The following GPLD1 variants were observed in gnomAD, a reference collection of about 807,000 sequenced individuals.
GPLD1 encodes glycosylphosphatidylinositol specific phospholipase D1, also known as phosphatidylinositol-glycan-specific phospholipase D.
Under a neutral mutation model 112.6 loss-of-function variants are expected in GPLD1, and 84 were observed. The observed-to-expected ratio is 0.75, with a 90% confidence interval of 0.63 to 0.89. GPLD1 has a LOEUF of 0.89. Among genes scored for constraint, GPLD1 ranks in the 40% least tolerant of loss-of-function variants. GPLD1 has a pLI of 0.00. For missense variants in GPLD1, 1,044 were observed against 1,051.5 expected, an observed-to-expected ratio of 0.99 and a Z score of 0.10; for synonymous variants, 386 against 403.8, an observed-to-expected ratio of 0.96 and a Z score of 0.53.
intron 1 of GPLD1, among the ~76,000 whole-genome samples, chr6:24,486,451 G>A (rs541007737): frequency 9.9e-5 from 15 of 152,256 alleles, no homozygotes; most frequent in South Asian, 2.1e-4. Flanking sequence ...AATACCCACC[G>A]TATAGGTTGG....
rs547424595 is a variant in GPLD1 at position 24,462,245 on chromosome 6, G to A, written c.887+485C>T. Among the ~76,000 whole-genome samples the A allele has an allele frequency of 1.0e-3, 158 of 152,130 alleles. 1 individual carries two copies. The highest frequency in any genetic ancestry group is 2.6e-3 in the Admixed American group (39 of 15,282). Reference sequence around the variant, plus strand: ...ACTCCTAGGCTCAAGCAATCCTCCCGCCTCAGCCTCCCAAGTAGCTGGGAC... The same window carrying A: ...ACTCCTAGGCTCAAGCAATCCTCCCACCTCAGCCTCCCAAGTAGCTGGGAC... On this transcript the variant is annotated intron_variant, in intron 11 of 24. Coordinates refer to ENST00000230036, the MANE Select transcript of GPLD1 (RefSeq NM_001503.4).
chr6:24,429,030 C>A lies in GPLD1; in HGVS notation c.*2G>T. 2 of 1,603,996 alleles carry A rather than the reference C, an allele frequency of 1.2e-6. No homozygotes were observed. Among genetic ancestry groups the A allele is most frequent in the Non-Finnish European group, 1.7e-6 (2 of 1,171,614 alleles). ...GCAGAGTGGGGAAATGCAGTGAAAT[C>A]TTCAATCTGAGCCAAGGCTATAGAC... On this transcript the variant is annotated 3_prime_UTR_variant, in exon 25 of 25. Coordinates refer to ENST00000230036, the MANE Select transcript of GPLD1 (RefSeq NM_001503.4).
chr6:24,454,913 G>A lies in GPLD1; in HGVS notation c.1149-712C>T, dbSNP rs568689375. On this transcript the variant is annotated intron_variant, in intron 13 of 24. Transcript: ENST00000230036. ...GGAGGCCAAGGCAGGTGGATCACCT[G>A]AGATCAGGAGTTCGATACCAGCCTG... Among the ~76,000 whole-genome samples, 3 of 152,390 alleles carry A rather than the reference G, an allele frequency of 2.0e-5. No individual in the cohort carries two copies. In the East Asian group the frequency reaches 5.8e-4, roughly 29 times the overall value.
upstream of GPLD1, among the ~76,000 whole-genome samples, chr6:24,490,179 C>A (rs112476675): frequency 1.3e-5 from 2 of 152,254 alleles, no homozygotes; most frequent in African/African-American, 4.8e-5. Context: ...CAGATTCCTG[C>A]AGCTGAAGCA....
intron 20 of GPLD1, among the ~76,000 whole-genome samples, chr6:24,440,637 C>T (rs1245997440): frequency 1.4e-5 from 2 of 146,998 alleles, no homozygotes; most frequent in South Asian, 2.2e-4. Flanking sequence ...CCTGTGGTCC[C>T]GGCTACTTGT....
At chr6:24,449,697 T>C in intron 15 of GPLD1, 92 bp downstream of exon 15, 1 of 803,434 alleles carries the variant, frequency 1.2e-6, no homozygotes, top group Non-Finnish European at 2.1e-6. Context: ...GCTGTCTGCT[T>C]TGCTCCAGGG....
At chr6:24,486,273 G>T in intron 1 of GPLD1, 143 bp from the exon 2 acceptor site, 1 of 632,888 alleles carries the variant, frequency 1.6e-6, no homozygotes, top group Non-Finnish European at 2.8e-6. Context: ...TGCACTCACT[G>T]GCAATTTTCA....
At chr6:24,456,183 G>C (rs556428342) in intron 13 of GPLD1, among the ~76,000 whole-genome samples, 2 of 152,278 alleles carry the variant, frequency 1.3e-5, no homozygotes, top group South Asian at 4.1e-4. Context: ...AAGATCACTT[G>C]AGCCCAGAAG....
In GPLD1 at chr6:24,489,575, A is replaced by G; in HGVS notation, c.-64T>C. ...TGCTCAGAGCTGCAGCAGCACTGGG[A>G]CTCCAAAATCCAGGTGCAGACCCAC... On this transcript the variant is annotated 5_prime_UTR_variant, in exon 1 of 25. Coordinates refer to ENST00000230036, the MANE Select transcript of GPLD1 (RefSeq NM_001503.4). 1.2e-6 allele frequency: 2 copies of G among 1,607,324 alleles called. No homozygotes were observed. The highest frequency in any genetic ancestry group is 1.7e-6 in the Non-Finnish European group (2 of 1,176,812).
At chr6:24,495,108 G>C in exon 1 of GPLD1, 4 of 1,315,212 alleles carry the variant, frequency 3.0e-6, no homozygotes, top group Non-Finnish European at 3.8e-6. Flanking sequence ...CTCCGGGCCT[G>C]CGCCCGGCCC....
chr6:24,457,865 T>G (rs1020563175), intron 12 of GPLD1, among the ~76,000 whole-genome samples: 1 of 145,774 alleles, frequency 6.9e-6, no homozygotes, highest in African/African-American at 2.5e-5. Context: ...AGAGCAAGAC[T>G]CCATCTCAAA....
intron 10 of GPLD1, 68 bp from the exon 11 acceptor site, chr6:24,462,863 C>A: frequency 8.9e-7 from 1 of 1,117,864 alleles, no homozygotes; most frequent in South Asian, 1.2e-5. Context: ...TACCGAGAAT[C>A]GGTAGTGCGC....
At chr6:24,474,870 T>C (rs920887583) in intron 5 of GPLD1, among the ~76,000 whole-genome samples, 4 of 150,726 alleles carry the variant, frequency 2.7e-5, no homozygotes, top group Admixed American at 2.0e-4. Flanking sequence ...AACCAGGGAG[T>C]TGGAGGTTGC....
upstream of GPLD1, among the ~76,000 whole-genome samples, chr6:24,491,320 A>G (rs1463135549): frequency 1.3e-5 from 2 of 152,236 alleles, no homozygotes; most frequent in Admixed American, 6.5e-5. Context: ...AGAGCAGTCA[A>G]TCAATGGTTA....
At chr6:24,475,688 C>CAAAAAAAAA (rs35291266) in intron 4 of GPLD1, among the ~76,000 whole-genome samples, 1 of 113,316 alleles carries the variant, frequency 8.8e-6, no homozygotes. Context: ...ACTAAAAATA[C>CAAAAAAAAA]AAAAAAAAAA....
Position 24,447,968 on chromosome 6 carries a change from A to G in GPLD1, c.1587T>C (p.Asp529=). The change falls in exon 17 of 25, where the codon GAT becomes GAC. Residue 529 remains aspartate, a synonymous_variant. Transcript: ENST00000230036. The stretch of plus-strand genomic sequence containing the variant: ...GTGCAAAAGGGGAGCCGATGACCAG[A>G]TCGGGTTCACTGTCTCCATTCACAT... ...AADVNGDSEP[D]LVIGSPFAPG... The G allele has an allele frequency of 1.2e-6, 2 of 1,613,804 alleles. No homozygotes were observed. The highest frequency in any genetic ancestry group is 1.1e-5 in the South Asian group (1 of 91,050).
At chr6:24,437,919 C>T (rs1762630769) in intron 20 of GPLD1, among the ~76,000 whole-genome samples, 1 of 152,190 alleles carries the variant, frequency 6.6e-6, no homozygotes, top group Non-Finnish European at 1.5e-5. Flanking sequence ...GAAGAGGCCG[C>T]TTCCCTGTGC....
At chr6:24,451,464 G>A (rs1448075668) in intron 14 of GPLD1, among the ~76,000 whole-genome samples, 2 of 152,044 alleles carry the variant, frequency 1.3e-5, no homozygotes, top group Non-Finnish European at 2.9e-5. Flanking sequence ...TCAGCCTCCC[G>A]AGTAGCTGGG....
At chr6:24,433,861 T>C (rs1002138240) in intron 22 of GPLD1, among the ~76,000 whole-genome samples, 13 of 152,060 alleles carry the variant, frequency 8.5e-5, no homozygotes, top group Non-Finnish European at 1.5e-4. Flanking sequence ...ATTCTACTTA[T>C]AGAAATACAG....
Sources: gnomAD v4.1 joint callset for allele counts (sites outside exome capture counted in the v4.1 genomes callset) on GRCh38, gnomAD v4.1.1 for gene constraint, MANE v1.5 for transcripts, NCBI Gene and HGNC (gene_info 2026-07-23, HGNC 2026-07-21) for gene names.